C10orf67: variants seen among roughly 807,000 people sequenced by gnomAD.
The protein encoded by C10orf67 is uncharacterized protein C10orf67, mitochondrial.
Under a neutral mutation model 35.6 loss-of-function variants are expected in C10orf67, and 60 were observed. The observed-to-expected ratio is 1.68, with a 90% confidence interval of 1.37 to 2.09. C10orf67 has a LOEUF of 2.09. Among genes scored for constraint, C10orf67 ranks in the 30% most tolerant of loss-of-function variants. C10orf67 has a pLI of 0.00. For missense variants in C10orf67, 474 were observed against 330.2 expected, an observed-to-expected ratio of 1.44 and a Z score of -3.38; for synonymous variants, 167 against 115.8, an observed-to-expected ratio of 1.44 and a Z score of -2.84.
chr10:23,230,901 T>C (rs1841889187), intron 13 of C10orf67, among the ~76,000 whole-genome samples: 1 of 152,200 alleles, frequency 6.6e-6, no homozygotes, highest in Non-Finnish European at 1.5e-5. Flanking sequence ...TAATATTACT[T>C]TGGAAAACTA....
chr10:23,251,000 G>A (rs1054074254), intron 10 of C10orf67, among the ~76,000 whole-genome samples: 8 of 152,170 alleles, frequency 5.3e-5, no homozygotes, highest in Admixed American at 2.0e-4. Context: ...GGGAGGCTGA[G>A]AAGGGAGAAT....
In C10orf67 at chr10:23,312,651, C is replaced by T. The variant is rs145022079; in HGVS notation, c.546+8090G>A. On this transcript the variant is annotated intron_variant, in intron 4 of 15. Transcript: ENST00000636213. ...ATCTACACACTTATATATACACATT[C>T]ACATACATCTATATAGTTGCATATA... Among the ~76,000 whole-genome samples, 16 of 152,310 alleles carry T rather than the reference C, an allele frequency of 1.1e-4. No homozygotes were observed. In the East Asian group the frequency reaches 2.1e-3, roughly 20 times the overall value.
At chr10:23,301,265 C>T (rs998100177) in intron 5 of C10orf67, among the ~76,000 whole-genome samples, 9 of 152,134 alleles carry the variant, frequency 5.9e-5, no homozygotes, top group African/African-American at 1.9e-4. Flanking sequence ...AGTCGGCCCT[C>T]GGCTTCCCCA....
At chr10:23,312,143 C>T (rs957269359) in intron 4 of C10orf67, among the ~76,000 whole-genome samples, 2 of 152,076 alleles carry the variant, frequency 1.3e-5, no homozygotes, top group African/African-American at 4.8e-5. Flanking sequence ...CATTTACTCC[C>T]AGTTAAAGTA....
At chr10:23,234,772 T>TG (rs1422828470) in intron 13 of C10orf67, among the ~76,000 whole-genome samples, 1 of 151,114 alleles carries the variant, frequency 6.6e-6, no homozygotes, top group Non-Finnish European at 1.5e-5. Context: ...CCCAGCACTT[T>TG]GGGGGGCTGA....
At chr10:23,311,517 G>A (rs1421251071) in intron 4 of C10orf67, among the ~76,000 whole-genome samples, 2 of 152,118 alleles carry the variant, frequency 1.3e-5, no homozygotes, top group East Asian at 3.9e-4. Flanking sequence ...TTCGAGACCA[G>A]CCTGACCAAC....
At chr10:23,248,837 C>T (rs1199290234) in intron 12 of C10orf67, among the ~76,000 whole-genome samples, 1 of 152,118 alleles carries the variant, frequency 6.6e-6, no homozygotes, top group Non-Finnish European at 1.5e-5. Flanking sequence ...GTAATAAATA[C>T]TTCTGCTTTC....
At chr10:23,344,543 C>G in intron 1 of C10orf67, 26 bp downstream of exon 1, 1 of 1,556,664 alleles carries the variant, frequency 6.4e-7, no homozygotes, top group Non-Finnish European at 8.7e-7. Context: ...GCTTCCTCCT[C>G]TACCCAGGCG....
rs190493948 is a variant in C10orf67 at position 23,334,763 on chromosome 10, G to T, written c.207-1581C>A. On this transcript the variant is annotated intron_variant, in intron 1 of 15. Transcript: ENST00000636213. ...AGAAAGGTTTTTAGACTCCTACAAA[G>T]GGGGCACCAGAGGAGAGGTTTCTTC... Among the ~76,000 whole-genome samples, 13 of 152,356 alleles carry T rather than the reference G, an allele frequency of 8.5e-5. No homozygotes were observed. The East Asian group carries it at 2.1e-3, about 25-fold the overall frequency.
At chr10:23,267,713 TG>T (rs1842920668) in intron 8 of C10orf67, among the ~76,000 whole-genome samples, 1 of 152,006 alleles carries the variant, frequency 6.6e-6, no homozygotes, top group African/African-American at 2.4e-5. Flanking sequence ...AAGACCAGCC[TG>T]GCCAACATGG....
At chr10:23,220,163 C>T (rs893545048) in intron 15 of C10orf67, among the ~76,000 whole-genome samples, 2 of 151,852 alleles carry the variant, frequency 1.3e-5, no homozygotes, top group African/African-American at 4.8e-5. Context: ...CAGACAAATA[C>T]CCCATCTCAA....
intron 15 of C10orf67, among the ~76,000 whole-genome samples, chr10:23,222,492 C>T (rs1261365081): frequency 1.3e-5 from 2 of 151,920 alleles, no homozygotes; most frequent in East Asian, 1.9e-4. Context: ...TAACAGACAC[C>T]GGGGTCTCCA....
At chr10:23,255,520 T>C (rs891893409) in intron 10 of C10orf67, among the ~76,000 whole-genome samples, 2 of 152,194 alleles carry the variant, frequency 1.3e-5, no homozygotes, top group Admixed American at 1.3e-4. Context: ...TGTGGCTTCC[T>C]CACCTGGCTC....
intron 15 of C10orf67, among the ~76,000 whole-genome samples, chr10:23,210,042 C>G: frequency 7.0e-6 from 1 of 143,760 alleles, no homozygotes; most frequent in East Asian, 2.1e-4. Context: ...GAATGCTTAG[C>G]AGTAACAAAA....
chr10:23,219,376 A>G (rs1176569233), intron 15 of C10orf67, among the ~76,000 whole-genome samples: 26 of 152,206 alleles, frequency 1.7e-4, no homozygotes, highest in Admixed American at 1.7e-3. Context: ...ACATTTCCAA[A>G]GATTACAATG....
At chr10:23,342,166 AAAAAC>A (rs920659553) in intron 1 of C10orf67, among the ~76,000 whole-genome samples, 53 of 151,828 alleles carry the variant, frequency 3.5e-4, no homozygotes, top group Admixed American at 9.2e-4. Flanking sequence ...CCTGACTCTA[AAAAAC>A]AAAACAAAAC....
intron 12 of C10orf67, 21 bp from the exon 13 acceptor site, chr10:23,239,837 A>G: frequency 1.6e-6 from 1 of 606,412 alleles, no homozygotes; most frequent in Non-Finnish European, 3.2e-6. Flanking sequence ...AAAAATGATG[A>G]AACTTAAAAT....
At chr10:23,287,240 A>G (rs920298123) in intron 7 of C10orf67, among the ~76,000 whole-genome samples, 2 of 152,220 alleles carry the variant, frequency 1.3e-5, no homozygotes, top group Non-Finnish European at 2.9e-5. Flanking sequence ...ACAAGGTTAC[A>G]GTAACCAAAA....
intron 5 of C10orf67, among the ~76,000 whole-genome samples, chr10:23,293,856 C>T (rs1435706547): frequency 6.6e-6 from 1 of 152,146 alleles, no homozygotes; most frequent in Non-Finnish European, 1.5e-5. Context: ...TCCTCAAATG[C>T]GGTCCATGGA....
Sources: allele counts gnomAD v4.1 joint callset (sites outside exome capture counted in the v4.1 genomes callset), GRCh38; gene constraint gnomAD v4.1.1; transcripts MANE v1.5; gene names NCBI Gene and HGNC (gene_info 2026-07-23, HGNC 2026-07-21).